TNR: variants seen among roughly 807,000 people sequenced by gnomAD.
TNR encodes the protein tenascin R.
In TNR, 45 loss-of-function variants were observed where a neutral mutation model predicts 150.4. The observed-to-expected ratio is 0.30, with a 90% CI of 0.24 to 0.38. TNR has a LOEUF of 0.38. Among genes scored for constraint, TNR ranks in the 10% least tolerant of loss-of-function variants. TNR has a pLI of 1.00. For synonymous variants in TNR, 687 were observed against 678.4 expected (o/e 1.01, Z -0.20); for missense variants, 1,544 against 1,759.1 (o/e 0.88, Z 2.19).
intron 2 of TNR, among the ~76,000 whole-genome samples, chr1:175,437,798 G>C (rs1268594645): frequency 6.6e-6 from 1 of 152,042 alleles, no homozygotes; most frequent in African/African-American, 2.4e-5. Flanking sequence ...TAAATTCCTC[G>C]ACACATACAC....
At chr1:175,723,376 G>A (rs1667369925) in intron 1 of TNR, among the ~76,000 whole-genome samples, 1 of 152,100 alleles carries the variant, frequency 6.6e-6, no homozygotes, top group South Asian at 2.1e-4. Context: ...GTCTACCTGG[G>A]TGTCATCTCC....
chr1:175,548,836 G>A (rs187766875), intron 1 of TNR, among the ~76,000 whole-genome samples: 1 of 152,164 alleles, frequency 6.6e-6, no homozygotes, highest in Admixed American at 6.5e-5. Flanking sequence ...TTATCTGCTG[G>A]AATGCTCAGA....
At chr1:175,569,311 T>C (rs1661769332) in intron 1 of TNR, among the ~76,000 whole-genome samples, 1 of 152,160 alleles carries the variant, frequency 6.6e-6, no homozygotes, top group African/African-American at 2.4e-5. Context: ...TCCCCACCCC[T>C]TCAGTCTGAC....
chr1:175,642,225 A>C (rs12083874), intron 1 of TNR, among the ~76,000 whole-genome samples: 1,876 of 152,296 alleles, frequency 0.012, 42 homozygotes, highest in African/African-American at 0.042. Context: ...AGAGTATGTG[A>C]AAAGTGTATA....
At chr1:175,598,633 G>C (rs1388965164) in intron 1 of TNR, among the ~76,000 whole-genome samples, 1 of 152,252 alleles carries the variant, frequency 6.6e-6, no homozygotes, top group Non-Finnish European at 1.5e-5. Context: ...AAGGTTATGA[G>C]TGTCTAGAAC....
At chr1:175,555,918 G>C (rs1156475478) in intron 1 of TNR, among the ~76,000 whole-genome samples, 1 of 152,158 alleles carries the variant, frequency 6.6e-6, no homozygotes, top group African/African-American at 2.4e-5. Context: ...AGCTTTACAT[G>C]AATCTGTTGT....
At chr1:175,406,193 C>G (rs530365666) in intron 3 of TNR, 23 bp downstream of exon 3, 2 of 1,604,600 alleles carry the variant, frequency 1.2e-6, no homozygotes, top group Non-Finnish European at 1.7e-6. Flanking sequence ...CCTGAGACCA[C>G]GCTGCGAGCT....
chr1:175,689,113 C>T (rs568949395), intron 1 of TNR, among the ~76,000 whole-genome samples: 165 of 152,304 alleles, frequency 1.1e-3, no homozygotes, highest in African/African-American at 3.8e-3. Context: ...AGGACCACGT[C>T]GGAAACCCTC....
intron 20 of TNR, among the ~76,000 whole-genome samples, chr1:175,331,206 C>T (rs1331607776): frequency 3.1e-5 from 4 of 127,898 alleles, no homozygotes; most frequent in African/African-American, 9.7e-5. Context: ...TCCTTCCTTC[C>T]TTCCTTCCTT....
At chr1:175,530,295 G>T (rs860901) in intron 1 of TNR, among the ~76,000 whole-genome samples, 113,423 of 151,866 alleles carry the variant, frequency 0.75, 43,203 homozygotes, top group African/African-American at 0.9. Flanking sequence ...AACGTTGGAG[G>T]TGTCCTGCAT....
intron 2 of TNR, among the ~76,000 whole-genome samples, chr1:175,477,007 T>C (rs980394198): frequency 3.9e-5 from 6 of 152,148 alleles, no homozygotes; most frequent in Non-Finnish European, 8.8e-5. Context: ...CAGGACTTCA[T>C]GGGAAAGAAG....
At chr1:175,554,747 T>C (rs1200502324) in intron 1 of TNR, among the ~76,000 whole-genome samples, 1 of 152,216 alleles carries the variant, frequency 6.6e-6, no homozygotes, top group Non-Finnish European at 1.5e-5. Flanking sequence ...AGTGAGCTGC[T>C]AAGTAGAATG....
intron 1 of TNR, among the ~76,000 whole-genome samples, chr1:175,697,229 G>T (rs1457097553): frequency 6.6e-6 from 1 of 151,944 alleles, no homozygotes. Flanking sequence ...GTGGGGAGGG[G>T]GTGGGGTCAG....
intron 18 of TNR, among the ~76,000 whole-genome samples, chr1:175,339,314 A>T (rs1002586695): frequency 2.6e-5 from 4 of 152,208 alleles, no homozygotes; most frequent in Admixed American, 6.5e-5. Flanking sequence ...AAGCAAAAAA[A>T]CCCCAAAGAT....
chr1:175,679,283 T>A (rs1368298024), intron 1 of TNR, among the ~76,000 whole-genome samples: 2 of 152,232 alleles, frequency 1.3e-5, no homozygotes, highest in Non-Finnish European at 2.9e-5. Context: ...ATCCTCCTTG[T>A]GCCACGGGGC....
In TNR at chr1:175,639,583, C is replaced by A. The variant is rs954238048; in HGVS notation, c.-165+103643G>T. ...CCACTTCTGAGTGTTGGGGCTCTGA[C>A]ACCTTGCCCGGCAGCCACTCCTCTG... On this transcript the variant is annotated intron_variant, in intron 1 of 22. Coordinates refer to ENST00000367674, the MANE Select transcript of TNR (RefSeq NM_003285.3). Among the ~76,000 whole-genome samples the A allele has an allele frequency of 2.6e-5, 4 of 152,176 alleles. 1 individual carries two copies. Among genetic ancestry groups the A allele is most frequent in the Non-Finnish European group, 5.9e-5 (4 of 68,032 alleles).
chr1:175,574,502 CTGAT>C (rs1361468250), intron 1 of TNR, among the ~76,000 whole-genome samples: 1 of 152,204 alleles, frequency 6.6e-6, no homozygotes, highest in African/African-American at 2.4e-5. Context: ...AAACATGACA[CTGAT>C]TAACTGCTAG....
intron 9 of TNR, among the ~76,000 whole-genome samples, chr1:175,378,045 G>A (rs758713039): frequency 6.6e-5 from 10 of 152,118 alleles, no homozygotes; most frequent in African/African-American, 9.7e-5. Flanking sequence ...GGTGACCGAG[G>A]ACACTGCCTT....
intron 1 of TNR, among the ~76,000 whole-genome samples, chr1:175,686,312 G>T (rs1388667812): frequency 6.6e-6 from 1 of 152,058 alleles, no homozygotes; most frequent in East Asian, 1.9e-4. Context: ...CAATCATCTT[G>T]GAAAATCTAA....
Sources: gnomAD v4.1 joint callset for allele counts (sites outside exome capture counted in the v4.1 genomes callset) on GRCh38, gnomAD v4.1.1 for gene constraint, MANE v1.5 for transcripts, NCBI Gene and HGNC (gene_info 2026-07-23, HGNC 2026-07-21) for gene names.